The following ZNF804A variants were observed in gnomAD, a reference collection of about 807,000 sequenced individuals.
ZNF804A encodes the protein zinc finger protein 804A.
A neutral mutation model predicts 16.5 loss-of-function variants in ZNF804A; 2 were observed. The ratio of observed to expected loss-of-function variants is 0.12; its 90% CI spans 0.05 to 0.38. The LOEUF (loss-of-function observed/expected upper bound fraction) is 0.38. Ranked by LOEUF, ZNF804A falls within the 10% of genes least tolerant of loss-of-function variation. The pLI, the probability that ZNF804A is intolerant of heterozygous loss-of-function variation, is 0.99. For missense variants in ZNF804A, 1,473 were observed against 1,390.7 expected (o/e 1.06, Z -0.94); for synonymous variants, 534 against 489.6 (o/e 1.09, Z -1.20).
intron 1 of ZNF804A, among the ~76,000 whole-genome samples, chr2:184,821,664 C>T (rs1294285067): frequency 6.6e-6 from 1 of 152,130 alleles, no homozygotes; most frequent in Non-Finnish European, 1.5e-5. Flanking sequence ...ATCTATCCAT[C>T]TGATAAAAGT....
intron 2 of ZNF804A, among the ~76,000 whole-genome samples, chr2:184,904,593 TAGG>T (rs1685240536): frequency 6.6e-6 from 1 of 152,080 alleles, no homozygotes; most frequent in South Asian, 2.1e-4. Flanking sequence ...TTTATCAACT[TAGG>T]AGGAGTTCAA....
intron 1 of ZNF804A, among the ~76,000 whole-genome samples, chr2:184,811,764 T>G (rs770514643): frequency 4.6e-5 from 7 of 152,216 alleles, no homozygotes; most frequent in Admixed American, 6.5e-5. Context: ...TCATCAAAAT[T>G]TAGTGAAAAT....
chr2:184,853,144 T>C (rs1695631805), intron 1 of ZNF804A, among the ~76,000 whole-genome samples: 1 of 151,874 alleles, frequency 6.6e-6, no homozygotes, highest in South Asian at 2.1e-4. Context: ...GTGTACAGGT[T>C]ATTCACATCC....
intron 1 of ZNF804A, among the ~76,000 whole-genome samples, chr2:184,810,638 C>A (rs1010373473): frequency 6.6e-6 from 1 of 151,766 alleles, no homozygotes; most frequent in Non-Finnish European, 1.5e-5. Flanking sequence ...CTACCGGCGC[C>A]CGCCACCACG....
At chr2:184,927,436 C>T (rs1685628753) in intron 2 of ZNF804A, among the ~76,000 whole-genome samples, 1 of 152,144 alleles carries the variant, frequency 6.6e-6, no homozygotes, top group Non-Finnish European at 1.5e-5. Context: ...TGGGATTGCA[C>T]TGGGTCAGAC....
chr2:184,780,778 T>G (rs886510723), intron 1 of ZNF804A, among the ~76,000 whole-genome samples: 1 of 151,812 alleles, frequency 6.6e-6, no homozygotes, highest in Non-Finnish European at 1.5e-5. Context: ...TTAAAAATTC[T>G]CTTCAATAAT....
chr2:184,874,803 C>A (rs977157165), intron 2 of ZNF804A, among the ~76,000 whole-genome samples: 3 of 152,036 alleles, frequency 2.0e-5, no homozygotes, highest in African/African-American at 7.2e-5. Flanking sequence ...GTTCTTATAG[C>A]ATGTTTTATT....
rs141220929 is a variant in ZNF804A at position 184,757,313 on chromosome 2, G to A, written c.112-109056G>A. 2.1e-3 allele frequency among the ~76,000 whole-genome samples: 323 copies of A among 152,010 alleles called. 1 individual carries two copies. Among genetic ancestry groups the A allele is most frequent in the African/African-American group, 7.1e-3 (296 of 41,514 alleles). On this transcript the variant is annotated intron_variant, in intron 1 of 3. Transcript: ENST00000302277. ...TGACCCAAATCCTTGCACAAAGTCT[G>A]TATTTTCCTTTCCACACACTCTACA...
intron 1 of ZNF804A, among the ~76,000 whole-genome samples, chr2:184,748,100 C>CT (rs1185310040): frequency 2.0e-5 from 3 of 151,040 alleles, no homozygotes; most frequent in African/African-American, 7.3e-5. Flanking sequence ...ATGCATGTGT[C>CT]TTTTTGGTAT....
intron 2 of ZNF804A, among the ~76,000 whole-genome samples, chr2:184,881,705 A>G (rs944797067): frequency 6.6e-6 from 1 of 152,056 alleles, no homozygotes; most frequent in African/African-American, 2.4e-5. Flanking sequence ...CAAAGGAGGA[A>G]TAAGATACTT....
At chr2:184,744,632 C>T (rs956993610) in intron 1 of ZNF804A, among the ~76,000 whole-genome samples, 1 of 151,890 alleles carries the variant, frequency 6.6e-6, no homozygotes, top group East Asian at 1.9e-4. Flanking sequence ...TTTTAAGCCA[C>T]CCATTTTATA....
At chr2:184,912,483 G>A (rs577407712) in intron 2 of ZNF804A, among the ~76,000 whole-genome samples, 2 of 152,016 alleles carry the variant, frequency 1.3e-5, no homozygotes, top group Admixed American at 6.6e-5. Flanking sequence ...TGGAACTGCT[G>A]GGTCATACAG....
rs754115219 is a variant in ZNF804A, at chr2:184,937,242, A to G, written c.1846A>G (p.Thr616Ala). The G allele has an allele frequency of 6.2e-7, 1 of 1,610,972 alleles. No homozygotes were observed. Among genetic ancestry groups the G allele is most frequent in the Non-Finnish European group, 8.5e-7 (1 of 1,179,232 alleles). ...HHMEKTKESE[T>A]RCKMEAENSY... ...TATGGAGAAAACCAAAGAATCAGAA[A>G]CTCGCTGCAAAATGGAAGCAGAGAA... The change falls in exon 4 of 4, where the codon ACT (threonine) becomes GCT (alanine). Residue 616 changes from threonine to alanine, a missense_variant. Thr to Ala is a moderately conservative substitution (Grantham distance 58). Coordinates refer to ENST00000302277, the MANE Select transcript of ZNF804A (RefSeq NM_194250.2).
chr2:184,922,703 T>G (rs557048551), intron 2 of ZNF804A, among the ~76,000 whole-genome samples: 1 of 151,990 alleles, frequency 6.6e-6, no homozygotes, highest in Non-Finnish European at 1.5e-5. Flanking sequence ...GTTTCCCCAG[T>G]GTTTTCTTTT....
At chr2:184,772,451 G>T (rs1410112299) in intron 1 of ZNF804A, among the ~76,000 whole-genome samples, 1 of 151,762 alleles carries the variant, frequency 6.6e-6, no homozygotes, top group African/African-American at 2.4e-5. Context: ...CATGCTGTAG[G>T]ATATATCATT....
chr2:184,675,770 T>C (rs1029278604), intron 1 of ZNF804A, among the ~76,000 whole-genome samples: 4 of 151,812 alleles, frequency 2.6e-5, no homozygotes, highest in African/African-American at 9.6e-5. Flanking sequence ...CATAGTACCT[T>C]GTTTGCAGCA....
intron 1 of ZNF804A, among the ~76,000 whole-genome samples, chr2:184,825,181 A>G (rs1442466665): frequency 6.6e-6 from 1 of 152,296 alleles, no homozygotes; most frequent in Admixed American, 6.5e-5. Flanking sequence ...AGCAATTAAC[A>G]CAATGTTGAT....
chr2:184,789,468 TTTGTTG>T (rs752770553), intron 1 of ZNF804A, among the ~76,000 whole-genome samples: 2 of 152,066 alleles, frequency 1.3e-5, no homozygotes, highest in Admixed American at 1.3e-4. Context: ...GGTCCTAGGC[TTTGTTG>T]TTGTTGTTGT....
chr2:184,790,761 G>A (rs904425000), intron 1 of ZNF804A, among the ~76,000 whole-genome samples: 18 of 151,796 alleles, frequency 1.2e-4, no homozygotes, highest in African/African-American at 3.4e-4. Context: ...CTGCCACAAC[G>A]CCCGGCTAAT....
Sources: gnomAD v4.1 joint callset for allele counts (sites outside exome capture counted in the v4.1 genomes callset) on GRCh38, gnomAD v4.1.1 for gene constraint, MANE v1.5 for transcripts, NCBI Gene and HGNC (gene_info 2026-07-23, HGNC 2026-07-21) for gene names.